Variants in CDH18 observed in about 807,000 individuals in gnomAD.
CDH18 encodes cadherin-18.
CDH18 carries 31 observed loss-of-function variants against 67.9 expected under a neutral mutation model. The ratio of observed to expected loss-of-function variants is 0.46; its 90% CI spans 0.34 to 0.62. The LOEUF is 0.62. Among genes scored for constraint, CDH18 ranks in the 20% least tolerant of loss-of-function variants. The pLI is 0.01. For synonymous variants in CDH18, 362 were observed against 347.2 expected (o/e 1.04, Z -0.48); for missense variants, 890 against 975.5 (o/e 0.91, Z 1.17).
chr5:19,547,129 C>A lies in CDH18; in HGVS notation c.1254-3124G>T, dbSNP rs552511460. On this transcript the variant is annotated intron_variant, in intron 8 of 12. Transcript: ENST00000382275. Reference sequence around the variant, plus strand: ...GTCTATACTAGAAAAAAAACAAAACCCTTCTTATAACATCCCTTTCCCAGA... The same window carrying A: ...GTCTATACTAGAAAAAAAACAAAACACTTCTTATAACATCCCTTTCCCAGA... 4.7e-4 allele frequency among the ~76,000 whole-genome samples: 72 copies of A among 152,112 alleles called. 2 individuals are homozygous for A. The South Asian group carries it at 0.014, about 30-fold the overall frequency.
chr5:19,722,768 A>G (rs961315233), intron 4 of CDH18, among the ~76,000 whole-genome samples: 1 of 151,950 alleles, frequency 6.6e-6, no homozygotes, highest in Non-Finnish European at 1.5e-5. Flanking sequence ...AATTCTACCT[A>G]CTAATTTGGG....
chr5:20,211,291 C>T (rs1740333254), intron 2 of CDH18, among the ~76,000 whole-genome samples: 1 of 152,126 alleles, frequency 6.6e-6, no homozygotes, highest in Non-Finnish European at 1.5e-5. Flanking sequence ...GCCTGCCTGC[C>T]TCTGTAGACT....
At chr5:20,229,584 A>G (rs1741903038) in intron 2 of CDH18, among the ~76,000 whole-genome samples, 1 of 152,130 alleles carries the variant, frequency 6.6e-6, no homozygotes, top group Non-Finnish European at 1.5e-5. Context: ...TTTTTAATTA[A>G]AAAAGTAATT....
rs576406464 is a variant in CDH18 at position 20,189,528 on chromosome 5, A to G, written c.-518+65916T>C. Reference sequence around the variant, plus strand: ...ATTATATAAATACACACATACAAACACACACACTTATTTAATCTTGAAACA... The same window carrying G: ...ATTATATAAATACACACATACAAACGCACACACTTATTTAATCTTGAAACA... On this transcript the variant is annotated intron_variant, in intron 2 of 14. Transcript: ENST00000507958. Among the ~76,000 whole-genome samples, 5 of 152,290 alleles carry G rather than the reference A, an allele frequency of 3.3e-5. No homozygotes were observed. The South Asian group carries it at 1.0e-3, about 32-fold the overall frequency.
chr5:20,333,571 T>G (rs1250236729), intron 1 of CDH18, among the ~76,000 whole-genome samples: 1 of 148,972 alleles, frequency 6.7e-6, no homozygotes, highest in African/African-American at 2.5e-5. Flanking sequence ...ATATATATAT[T>G]TATATATATC....
chr5:20,038,817 C>T (rs543237441), intron 2 of CDH18, among the ~76,000 whole-genome samples: 3 of 152,218 alleles, frequency 2.0e-5, no homozygotes, highest in African/African-American at 7.2e-5. Context: ...CACTCCTATT[C>T]AACAAAGTGT....
chr5:19,982,563 T>A (rs192903514), intron 1 of CDH18, among the ~76,000 whole-genome samples: 1 of 152,174 alleles, frequency 6.6e-6, no homozygotes, highest in Non-Finnish European at 1.5e-5. Flanking sequence ...GTGATATTTT[T>A]AATTATTTCC....
At chr5:20,362,222 C>T (rs1482886380) in intron 1 of CDH18, among the ~76,000 whole-genome samples, 1 of 152,148 alleles carries the variant, frequency 6.6e-6, no homozygotes, top group East Asian at 1.9e-4. Flanking sequence ...ATCACATTCA[C>T]TATACTTGCA....
At chr5:20,025,264 C>A (rs1401210642) in intron 2 of CDH18, among the ~76,000 whole-genome samples, 1 of 152,004 alleles carries the variant, frequency 6.6e-6, no homozygotes, top group Non-Finnish European at 1.5e-5. Context: ...TCTGTGTTCC[C>A]ACTTGGTTAT....
Position 19,660,416 on chromosome 5 carries a change from A to G in CDH18, c.644-47815T>C, listed in dbSNP as rs557248737. 2.6e-5 allele frequency among the ~76,000 whole-genome samples: 4 copies of G among 152,252 alleles called. No homozygotes were observed. The South Asian group carries it at 8.3e-4, about 32-fold the overall frequency. On this transcript the variant is annotated intron_variant, in intron 5 of 12. Transcript: ENST00000382275. ...CGTGAACCTGCCAAAGAATTACCAC[A>G]ATCAGTAATTGTATATTTCCCTAAG... is the stretch of plus-strand genomic sequence containing the variant.
At chr5:19,952,327 G>A (rs1795873953) in intron 2 of CDH18, among the ~76,000 whole-genome samples, 2 of 152,154 alleles carry the variant, frequency 1.3e-5, no homozygotes, top group African/African-American at 2.4e-5. Flanking sequence ...GGGATCACAG[G>A]CATGAACCAC....
At chr5:20,263,927 C>T (rs191781048) in intron 1 of CDH18, among the ~76,000 whole-genome samples, 6 of 151,798 alleles carry the variant, frequency 4.0e-5, no homozygotes, top group Non-Finnish European at 5.9e-5. Context: ...ATCTTATTTA[C>T]CTAAATATAA....
At chr5:20,287,773 T>C (rs2940443) in intron 1 of CDH18, among the ~76,000 whole-genome samples, 17,712 of 134,436 alleles carry the variant, frequency 0.13, 1,578 homozygotes, top group African/African-American at 0.26. Flanking sequence ...GAAGCATTCA[T>C]GTGAAACAAA....
chr5:20,419,922 G>A (rs1192805885), intron 1 of CDH18, among the ~76,000 whole-genome samples: 1 of 150,992 alleles, frequency 6.6e-6, no homozygotes, highest in African/African-American at 2.5e-5. Flanking sequence ...AAAAACGACA[G>A]ATTTCCTTTC....
At chr5:19,722,452 T>C (rs991964005) in intron 4 of CDH18, among the ~76,000 whole-genome samples, 2 of 151,192 alleles carry the variant, frequency 1.3e-5, no homozygotes, top group Non-Finnish European at 2.9e-5. Flanking sequence ...TGTAAATTCA[T>C]TTATAACATT....
At chr5:20,344,144 A>T (rs193264922) in intron 1 of CDH18, among the ~76,000 whole-genome samples, 1 of 152,168 alleles carries the variant, frequency 6.6e-6, no homozygotes, top group Non-Finnish European at 1.5e-5. Context: ...CCTCCAGCCA[A>T]TGGAAAGTTC....
intron 8 of CDH18, among the ~76,000 whole-genome samples, chr5:19,568,369 G>C (rs1646961160): frequency 6.6e-6 from 1 of 152,150 alleles, no homozygotes; most frequent in Non-Finnish European, 1.5e-5. Flanking sequence ...CTTTACAAGA[G>C]GAGCTTGGAG....
chr5:19,606,807 T>TAA (rs1323897684), intron 6 of CDH18, among the ~76,000 whole-genome samples: 2 of 151,778 alleles, frequency 1.3e-5, no homozygotes, highest in African/African-American at 4.8e-5. Context: ...TCAAAACTAA[T>TAA]AAAAGATAGC....
At chr5:20,480,506 C>T (rs2150253999) in intron 1 of CDH18, among the ~76,000 whole-genome samples, 1 of 152,188 alleles carries the variant, frequency 6.6e-6, no homozygotes, top group Middle Eastern at 3.4e-3. Context: ...CAGCCTGTGC[C>T]TCCCAGGTTC....
Sources: allele counts gnomAD v4.1 joint callset (sites outside exome capture counted in the v4.1 genomes callset), GRCh38; gene constraint gnomAD v4.1.1; transcripts MANE v1.5; gene names NCBI Gene and HGNC (gene_info 2026-07-23, HGNC 2026-07-21).